TRHDE: variants seen among roughly 807,000 people sequenced by gnomAD.
TRHDE encodes thyrotropin releasing hormone degrading enzyme.
A neutral mutation model predicts 125.7 loss-of-function variants in TRHDE; 72 were observed. That is an observed-to-expected ratio of 0.57 (90% CI 0.47 to 0.70). TRHDE has a LOEUF of 0.70. Among genes scored for constraint, TRHDE ranks in the 30% least tolerant of loss-of-function variants. TRHDE has a pLI of 0.00. For missense variants in TRHDE, 1,110 were observed against 1,327.1 expected (o/e 0.84, Z 2.54); for synonymous variants, 509 against 509.1 (o/e 1.00, Z 0.00).
chr12:72,361,553 A>T (rs567179811), intron 2 of TRHDE, among the ~76,000 whole-genome samples: 2 of 148,968 alleles, frequency 1.3e-5, no homozygotes, highest in Admixed American at 6.7e-5. Flanking sequence ...TTTATAATTT[A>T]TTTTTTTTTT....
intron 3 of TRHDE, among the ~76,000 whole-genome samples, chr12:72,430,961 C>A (rs544792138): frequency 6.6e-6 from 1 of 152,146 alleles, no homozygotes; most frequent in South Asian, 2.1e-4. Flanking sequence ...TCAGTATACA[C>A]ATTTTGCATT....
chr12:72,453,399 T>C (rs1176083933), intron 3 of TRHDE, among the ~76,000 whole-genome samples: 1 of 152,222 alleles, frequency 6.6e-6, no homozygotes, highest in African/African-American at 2.4e-5. Flanking sequence ...AGATGTGACA[T>C]GGCTGCTTCT....
chr12:72,621,843 C>G, intron 15 of TRHDE, 92 bp downstream of exon 15: 1 of 989,940 alleles, frequency 1.0e-6, no homozygotes, highest in Non-Finnish European at 1.5e-6. Context: ...TGGAGAAAAA[C>G]AAGATAAGGA....
At chr12:72,176,730 A>G (rs550412296) in intron 2 of TRHDE, among the ~76,000 whole-genome samples, 1 of 152,316 alleles carries the variant, frequency 6.6e-6, no homozygotes, top group South Asian at 2.1e-4. Flanking sequence ...TTTCAGTCAC[A>G]TTTCATTTAT....
chr12:72,110,122 C>A (rs1592443925), intron 2 of TRHDE, among the ~76,000 whole-genome samples: 1 of 152,024 alleles, frequency 6.6e-6, no homozygotes, highest in Non-Finnish European at 1.5e-5. Context: ...TGGGAATCTG[C>A]AAGTTTAAGA....
In TRHDE at chr12:72,668,342, A is replaced by G. The variant is rs1159369536; in HGVS notation, c.*5147A>G. Reference sequence around the variant, plus strand: ...TATGTTCTAATGTTAACTATATGACATATATGCCATTGCATGCATTTTGTT... The same window carrying G: ...TATGTTCTAATGTTAACTATATGACGTATATGCCATTGCATGCATTTTGTT... On this transcript the variant is annotated 3_prime_UTR_variant, in exon 19 of 19. Coordinates refer to ENST00000261180, the MANE Select transcript of TRHDE (RefSeq NM_013381.3). The G allele has an allele frequency of 6.6e-6, 1 of 151,768 alleles. No homozygotes were observed. The highest frequency in any genetic ancestry group is 1.5e-5 in the Non-Finnish European group (1 of 67,778). 9.4% of individuals were successfully genotyped at this position (151,768 alleles called of 1,614,324 possible).
intron 2 of TRHDE, chr12:72,186,630 ATTT>A: frequency 1.3e-5 from 2 of 151,026 alleles, no homozygotes; most frequent in Non-Finnish European, 2.9e-5. Context: ...CAAGGTAAGG[ATTT>A]TTTTTTTTTT....
At chr12:72,265,805 T>G (rs1879054477) in intron 2 of TRHDE, among the ~76,000 whole-genome samples, 1 of 151,944 alleles carries the variant, frequency 6.6e-6, no homozygotes, top group Non-Finnish European at 1.5e-5. Context: ...GAATCCTCAC[T>G]TGGCAAAACT....
intron 2 of TRHDE, among the ~76,000 whole-genome samples, chr12:72,160,057 T>C (rs1876601423): frequency 6.6e-6 from 1 of 152,214 alleles, no homozygotes; most frequent in African/African-American, 2.4e-5. Context: ...TTTTATTTTT[T>C]CTTCTTTAAG....
At chr12:72,411,964 A>T (rs912958891) in intron 3 of TRHDE, among the ~76,000 whole-genome samples, 2 of 152,188 alleles carry the variant, frequency 1.3e-5, no homozygotes, top group African/African-American at 4.8e-5. Flanking sequence ...CTCACACCAT[A>T]TAAAAACTGA....
chr12:72,483,658 A>G (rs1877275722), intron 5 of TRHDE, among the ~76,000 whole-genome samples: 1 of 151,916 alleles, frequency 6.6e-6, no homozygotes, highest in African/African-American at 2.4e-5. Context: ...GCAGTTTTAT[A>G]TGATAGGTTC....
At chr12:72,258,814 G>T (rs1219052005) in intron 2 of TRHDE, among the ~76,000 whole-genome samples, 1 of 152,122 alleles carries the variant, frequency 6.6e-6, no homozygotes, top group Non-Finnish European at 1.5e-5. Flanking sequence ...TTATTCAATA[G>T]AAGTTCTCCA....
At chr12:72,573,060 A>C (rs976075226) in intron 10 of TRHDE, among the ~76,000 whole-genome samples, 20 of 151,972 alleles carry the variant, frequency 1.3e-4, no homozygotes, top group African/African-American at 4.6e-4. Flanking sequence ...ATTCAAGTAG[A>C]TTTTAAATAT....
chr12:72,149,940 TA>T (rs1392905667), intron 2 of TRHDE, among the ~76,000 whole-genome samples: 1 of 152,208 alleles, frequency 6.6e-6, no homozygotes, highest in Non-Finnish European at 1.5e-5. Context: ...TAATGGATTT[TA>T]AATTATTTCC....
intron 2 of TRHDE, among the ~76,000 whole-genome samples, chr12:72,260,179 A>G (rs541340620): frequency 6.6e-6 from 1 of 152,266 alleles, no homozygotes; most frequent in East Asian, 1.9e-4. Flanking sequence ...CTTACCTTAT[A>G]TGCTGATTTC....
In TRHDE at chr12:72,614,391, GT is replaced by G. The variant is rs540156336; in HGVS notation, c.2322-4494del. Among the ~76,000 whole-genome samples the G allele has an allele frequency of 2.9e-4, 42 of 145,460 alleles. 1 individual carries two copies. The East Asian group carries it at 8.2e-3, about 28-fold the overall frequency. On this transcript the variant is annotated intron_variant, in intron 12 of 18. Transcript: ENST00000261180. Reference sequence around the variant, plus strand: ...TTGGTTGACAGAGAGACTTCCCTGTGTTTTTTCCCTTTTATTCTATGGTACA... The same window carrying G: ...TTGGTTGACAGAGAGACTTCCCTGTGTTTTTCCCTTTTATTCTATGGTACA...
chr12:72,322,813 C>T (rs537234453), intron 2 of TRHDE, among the ~76,000 whole-genome samples: 9 of 152,102 alleles, frequency 5.9e-5, no homozygotes, highest in African/African-American at 1.2e-4. Flanking sequence ...ACTGTAAATG[C>T]GTTTTTAGGA....
chr12:72,363,630 A>G (rs558596465), intron 2 of TRHDE, among the ~76,000 whole-genome samples: 31 of 152,174 alleles, frequency 2.0e-4, no homozygotes, highest in South Asian at 1.7e-3. Context: ...TCAAAATAAT[A>G]AGAGCTATCT....
chr12:72,313,568 C>T (rs1171474467), intron 2 of TRHDE, among the ~76,000 whole-genome samples: 1 of 152,024 alleles, frequency 6.6e-6, no homozygotes, highest in Non-Finnish European at 1.5e-5. Context: ...CCAAACTCTG[C>T]ACTGTTTTAT....
Sources: gnomAD v4.1 joint callset for allele counts (sites outside exome capture counted in the v4.1 genomes callset) on GRCh38, gnomAD v4.1.1 for gene constraint, MANE v1.5 for transcripts, NCBI Gene and HGNC (gene_info 2026-07-23, HGNC 2026-07-21) for gene names.